TGFBR2: variants seen among roughly 807,000 people sequenced by gnomAD.
The protein encoded by TGFBR2 is TGF-beta receptor type-2.
TGFBR2 carries 18 observed loss-of-function variants against 49.0 expected under a neutral mutation model. The ratio of observed to expected loss-of-function variants is 0.37; its 90% CI spans 0.25 to 0.54. TGFBR2 has a LOEUF of 0.54. Ranked by LOEUF, TGFBR2 falls within the 20% of genes least tolerant of loss-of-function variation. The pLI is 0.85. For synonymous variants in TGFBR2, 282 were observed against 275.9 expected, an observed-to-expected ratio of 1.02 and a Z score of -0.22; for missense variants, 525 against 722.6, an observed-to-expected ratio of 0.73 and a Z score of 3.13.
At chr3:30,685,606 A>G (rs1375873779) in intron 5 of TGFBR2, among the ~76,000 whole-genome samples, 1 of 152,228 alleles carries the variant, frequency 6.6e-6, no homozygotes, top group South Asian at 2.1e-4. Context: ...GAATTGCACC[A>G]TAGTTACCCA....
chr3:30,634,071 A>G (rs182020372), intron 1 of TGFBR2, among the ~76,000 whole-genome samples: 1 of 152,354 alleles, frequency 6.6e-6, no homozygotes, highest in Admixed American at 6.5e-5. Flanking sequence ...TTCAGGTACC[A>G]GGCATGCACA....
chr3:30,620,008 A>T (rs1698198440), intron 1 of TGFBR2, among the ~76,000 whole-genome samples: 1 of 152,190 alleles, frequency 6.6e-6, no homozygotes, highest in Non-Finnish European at 1.5e-5. Context: ...TAACACGATG[A>T]AACCCTGTCT....
In TGFBR2 at chr3:30,671,974, A is replaced by G. The variant is rs868549326; in HGVS notation, c.791A>G (p.Lys264Arg). 1 of 1,614,182 alleles carries G rather than the reference A, an allele frequency of 6.2e-7. No homozygotes were observed. ...GCTGAGGTCTATAAGGCCAAGCTGAAGCAGAACACTTCAGAGCAGTTTGAG... is the reference window on the plus strand; with the variant it reads ...GCTGAGGTCTATAAGGCCAAGCTGAGGCAGAACACTTCAGAGCAGTTTGAG... Reference protein sequence around the residue: ...RFAEVYKAKLKQNTSEQFETV... With the variant: ...RFAEVYKAKLRQNTSEQFETV... Residue 264 changes from lysine (K) to arginine (R), a missense_variant, in exon 4 of 7, where the codon AAG (lysine) becomes AGG (arginine). Lys to Arg is a conservative substitution (Grantham distance 26). Transcript: ENST00000295754.
chr3:30,687,932 C>G (rs985033741), intron 5 of TGFBR2, among the ~76,000 whole-genome samples: 14 of 152,200 alleles, frequency 9.2e-5, no homozygotes, highest in Non-Finnish European at 1.9e-4. Context: ...TTTTATGCCT[C>G]AATACCTACA....
At chr3:30,673,673 C>G (rs185454229) in intron 4 of TGFBR2, among the ~76,000 whole-genome samples, 1 of 152,188 alleles carries the variant, frequency 6.6e-6, no homozygotes, top group East Asian at 1.9e-4. Flanking sequence ...CTAAAGTGAT[C>G]AAAACTGATA....
At chr3:30,674,838 C>T (rs976693074) in intron 5 of TGFBR2, among the ~76,000 whole-genome samples, 3 of 151,926 alleles carry the variant, frequency 2.0e-5, no homozygotes, top group African/African-American at 7.3e-5. Context: ...GAAAAGCTGG[C>T]TTGCTCTTTT....
chr3:30,606,723 C>T lies in TGFBR2; in HGVS notation c.-161C>T. 4.3e-6 allele frequency: 2 copies of T among 461,934 alleles called. No homozygotes were observed. The allele number at this position is 461,934 out of a possible 1,614,324, so 28.6% of individuals were successfully genotyped here. ...CGCGCCTCGCCGGCCTCCAGGCCCC[C>T]TCCTGGCTGGCGAGCGGGCGCCACA... On this transcript the variant is annotated 5_prime_UTR_variant, in exon 1 of 7. Coordinates refer to ENST00000295754, the MANE Select transcript of TGFBR2 (RefSeq NM_003242.6).
chr3:30,607,819 A>G (rs1268449935), intron 1 of TGFBR2, among the ~76,000 whole-genome samples: 1 of 135,264 alleles, frequency 7.4e-6, no homozygotes, highest in East Asian at 2.0e-4. Flanking sequence ...TATATTATAT[A>G]TATATAAATA....
chr3:30,687,098 C>T (rs73054849), intron 5 of TGFBR2, among the ~76,000 whole-genome samples: 1 of 151,966 alleles, frequency 6.6e-6, no homozygotes. Context: ...GGTATATGCA[C>T]GAATAGAGCC....
intron 5 of TGFBR2, among the ~76,000 whole-genome samples, chr3:30,675,795 T>C (rs532152657): frequency 2.8e-4 from 42 of 152,350 alleles, no homozygotes; most frequent in Non-Finnish European, 5.0e-4. Flanking sequence ...GTTGTTAATA[T>C]CTAACCTAAA....
intron 1 of TGFBR2, among the ~76,000 whole-genome samples, chr3:30,622,614 G>A (rs1698249992): frequency 6.6e-6 from 1 of 152,120 alleles, no homozygotes; most frequent in South Asian, 2.1e-4. Context: ...CAGTGCAATG[G>A]CTCAGGCCTG....
intron 1 of TGFBR2, among the ~76,000 whole-genome samples, chr3:30,639,769 A>G (rs1698611368): frequency 6.6e-6 from 1 of 152,240 alleles, no homozygotes; most frequent in African/African-American, 2.4e-5. Flanking sequence ...AAAACACTCC[A>G]GAAAACAACA....
chr3:30,681,283 G>A (rs568989989), intron 5 of TGFBR2, among the ~76,000 whole-genome samples: 2 of 152,118 alleles, frequency 1.3e-5, no homozygotes, highest in African/African-American at 2.4e-5. Context: ...GGATTGAAAC[G>A]CTTCATTTTC....
In TGFBR2 at chr3:30,606,635, T is replaced by A. The variant is rs886058299; in HGVS notation, c.-249T>A. 4 of 364,104 alleles carry A rather than the reference T, an allele frequency of 1.1e-5. No individual in the cohort carries two copies. The highest frequency in any genetic ancestry group is 9.3e-5 in the Admixed American group (2 of 21,554). 22.6% of individuals were successfully genotyped at this position (364,104 alleles called of 1,614,324 possible). ...CACGGAGCGACGACACCCCCGCGCGTGCACCCGCTCGGGACAGGAGCCGGA... is the reference window on the plus strand; with the variant it reads ...CACGGAGCGACGACACCCCCGCGCGAGCACCCGCTCGGGACAGGAGCCGGA... On this transcript the variant is annotated 5_prime_UTR_variant, in exon 1 of 7. Coordinates refer to ENST00000295754, the MANE Select transcript of TGFBR2 (RefSeq NM_003242.6).
At chr3:30,649,132 C>G (rs1698831593) in intron 2 of TGFBR2, among the ~76,000 whole-genome samples, 2 of 152,132 alleles carry the variant, frequency 1.3e-5, no homozygotes, top group Admixed American at 1.3e-4. Flanking sequence ...ATTACTCTAG[C>G]AAAACTGACT....
intron 1 of TGFBR2, among the ~76,000 whole-genome samples, chr3:30,629,392 A>G (rs1042357212): frequency 6.6e-6 from 1 of 152,100 alleles, no homozygotes; most frequent in Non-Finnish European, 1.5e-5. Flanking sequence ...AGCTCCTCCC[A>G]GTGGGGAAAG....
In TGFBR2 at chr3:30,650,067, A is replaced by G. The variant is rs534079329; in HGVS notation, c.264-203A>G. 5.1e-4 allele frequency among the ~76,000 whole-genome samples: 77 copies of G among 151,758 alleles called. 1 individual carries two copies. The highest frequency in any genetic ancestry group is 2.5e-4 in the Non-Finnish European group (17 of 68,038). ...ATGGGTTCCAAGAATAAACAAAGGA[A>G]AAACAGAAAAGAGTAGAAAAGCATA... On this transcript the variant is annotated intron_variant, in intron 2 of 6. Transcript: ENST00000295754.
At chr3:30,612,195 A>T (rs1215745278) in intron 1 of TGFBR2, among the ~76,000 whole-genome samples, 2 of 152,216 alleles carry the variant, frequency 1.3e-5, no homozygotes, top group Admixed American at 1.3e-4. Context: ...TGAGACAGCC[A>T]CTTGATATTA....
chr3:30,662,203 C>CAATATATATCCCAATA (rs756503727), intron 3 of TGFBR2, among the ~76,000 whole-genome samples: 1 of 152,218 alleles, frequency 6.6e-6, no homozygotes, highest in Non-Finnish European at 1.5e-5. Flanking sequence ...AATATTTAGA[C>CAATATATATCCCAATA]TTTATCCCAA....
Sources: allele counts gnomAD v4.1 joint callset (sites outside exome capture counted in the v4.1 genomes callset), GRCh38; gene constraint gnomAD v4.1.1; transcripts MANE v1.5; gene names NCBI Gene and HGNC (gene_info 2026-07-23, HGNC 2026-07-21).